Variants in RIMS1 observed in about 807,000 individuals in gnomAD.
RIMS1 encodes the protein regulating synaptic membrane exocytosis protein 1.
Under a neutral mutation model 214.1 loss-of-function variants are expected in RIMS1, and 83 were observed. That is an observed-to-expected ratio of 0.39 (90% CI 0.32 to 0.47). The LOEUF (loss-of-function observed/expected upper bound fraction) is 0.47. Ranked by LOEUF, RIMS1 falls within the 20% of genes least tolerant of loss-of-function variation. The pLI is 0.99. For missense variants in RIMS1, 2,050 were observed against 2,161.8 expected (o/e 0.95, Z 1.03); for synonymous variants, 793 against 786.8 (o/e 1.01, Z -0.13).
intron 29 of RIMS1, among the ~76,000 whole-genome samples, chr6:72,371,169 G>A (rs2098206842): frequency 6.6e-6 from 1 of 152,126 alleles, no homozygotes; most frequent in East Asian, 1.9e-4. Context: ...TATGTGTGCT[G>A]TGTGTGCACA....
At chr6:72,254,703 C>T (rs1399319030) in intron 16 of RIMS1, among the ~76,000 whole-genome samples, 2 of 152,128 alleles carry the variant, frequency 1.3e-5, no homozygotes, top group African/African-American at 2.4e-5. Context: ...GTTTCTTCCT[C>T]TTTCTCTGAG....
chr6:72,155,125 C>A (rs751841992), intron 4 of RIMS1, among the ~76,000 whole-genome samples: 1 of 140,446 alleles, frequency 7.1e-6, no homozygotes, highest in African/African-American at 2.5e-5. Flanking sequence ...GCCAGGAAAC[C>A]ATTTTCTCCT....
rs376835803 is a variant in RIMS1 at position 72,390,591 on chromosome 6, C to G, written c.4367-7C>G. 3 of 1,609,906 alleles carry G rather than the reference C, an allele frequency of 1.9e-6. No homozygotes were observed. The South Asian group carries it at 3.3e-5, about 18-fold the overall frequency. On this transcript the variant is annotated splice_region_variant and splice_polypyrimidine_tract_variant and intron_variant, in intron 29 of 33. Coordinates refer to ENST00000521978, the MANE Select transcript of RIMS1 (RefSeq NM_014989.7). ...AACTTAGAGTTTCTTTTACTCTCTC[C>G]TGTCAGAGTCGGGCCACAAAAAGTT...
At chr6:71,951,868 T>C (rs1789686908) in intron 1 of RIMS1, among the ~76,000 whole-genome samples, 3 of 152,082 alleles carry the variant, frequency 2.0e-5, no homozygotes, top group Non-Finnish European at 4.4e-5. Flanking sequence ...TCAAGTCTTT[T>C]GACTCCTTGC....
intron 2 of RIMS1, among the ~76,000 whole-genome samples, chr6:72,020,214 T>A (rs1318813498): frequency 6.6e-6 from 1 of 152,198 alleles, no homozygotes; most frequent in Non-Finnish European, 1.5e-5. Context: ...CTACTAATAC[T>A]ATAATGATAA....
chr6:72,140,331 C>T (rs1357454892), intron 4 of RIMS1, among the ~76,000 whole-genome samples: 2 of 152,046 alleles, frequency 1.3e-5, no homozygotes, highest in East Asian at 3.8e-4. Flanking sequence ...AATTAAAAAT[C>T]AGAAATTATA....
At chr6:72,064,138 C>T (rs1018941746) in intron 2 of RIMS1, among the ~76,000 whole-genome samples, 6 of 151,958 alleles carry the variant, frequency 3.9e-5, no homozygotes, top group South Asian at 2.1e-4. Context: ...GCCAACATGG[C>T]GAAACTCCGT....
At chr6:72,208,633 C>T (rs1306357438) in intron 6 of RIMS1, among the ~76,000 whole-genome samples, 3 of 152,228 alleles carry the variant, frequency 2.0e-5, no homozygotes, top group South Asian at 2.1e-4. Flanking sequence ...ATGAAAAGCA[C>T]TCAAAAGGTC....
intron 23 of RIMS1, among the ~76,000 whole-genome samples, chr6:72,279,108 C>G (rs1185766996): frequency 6.6e-6 from 1 of 151,588 alleles, no homozygotes. Flanking sequence ...GTATTTTATC[C>G]TTTAATAAAA....
chr6:72,339,557 A>C (rs143969727), intron 29 of RIMS1, among the ~76,000 whole-genome samples: 3,496 of 151,802 alleles, frequency 0.023, 123 homozygotes, highest in African/African-American at 0.081. Flanking sequence ...TCCTTGCAAT[A>C]GTTTGCTGAG....
In RIMS1 at chr6:72,401,860, T is replaced by C. The variant is rs185191216; in HGVS notation, c.*1146T>C. On this transcript the variant is annotated 3_prime_UTR_variant, in exon 34 of 34. Coordinates refer to ENST00000521978, the MANE Select transcript of RIMS1 (RefSeq NM_014989.7). ...ATTCTGCACTAAACTATTGTTTTTA[T>C]TGAATTTTAGTTTACATTTCTTTGA... 16 of 152,804 alleles carry C rather than the reference T, an allele frequency of 1.0e-4. No individual in the cohort carries two copies. The highest frequency in any genetic ancestry group is 2.6e-4 in the Admixed American group (4 of 15,304). The allele number at this position is 152,804 out of a possible 1,614,324, so 9.5% of individuals were successfully genotyped here.
intron 29 of RIMS1, among the ~76,000 whole-genome samples, chr6:72,383,330 T>C (rs375119099): frequency 6.6e-6 from 1 of 152,146 alleles, no homozygotes; most frequent in African/African-American, 2.4e-5. Context: ...CACACTTACA[T>C]ATACAGTATT....
At chr6:72,351,328 A>G (rs1187335959) in intron 29 of RIMS1, among the ~76,000 whole-genome samples, 1 of 152,192 alleles carries the variant, frequency 6.6e-6, no homozygotes. Context: ...ATTTTCACTC[A>G]TCACTGACAG....
At chr6:71,931,828 A>G (rs73545367) in intron 1 of RIMS1, among the ~76,000 whole-genome samples, 2,945 of 152,050 alleles carry the variant, frequency 0.019, 100 homozygotes, top group African/African-American at 0.067. Context: ...GCCTGTGCCT[A>G]TGTCCCGGAA....
chr6:72,269,594 C>G (rs576804808), intron 22 of RIMS1, among the ~76,000 whole-genome samples: 1 of 152,176 alleles, frequency 6.6e-6, no homozygotes, highest in Admixed American at 6.5e-5. Context: ...ATTTTTCTCT[C>G]ATTTTATGGT....
intron 1 of RIMS1, among the ~76,000 whole-genome samples, chr6:71,892,327 TGTGA>T (rs1770162780): frequency 1.3e-5 from 2 of 152,210 alleles, no homozygotes; most frequent in Admixed American, 1.3e-4. Context: ...AATTCTAGCC[TGTGA>T]GTATTTATTA....
At chr6:72,383,608 TAAAAAAAAAA>T (rs1170633297) in intron 29 of RIMS1, among the ~76,000 whole-genome samples, 1 of 85,938 alleles carries the variant, frequency 1.2e-5, no homozygotes, top group South Asian at 4.3e-4. Flanking sequence ...ACCCCATCTC[TAAAAAAAAAA>T]AAAAAAAAAA....
chr6:72,076,674 C>T lies in RIMS1; in HGVS notation c.246-20275C>T, dbSNP rs566760712. Among the ~76,000 whole-genome samples, 14 of 152,186 alleles carry T rather than the reference C, an allele frequency of 9.2e-5. No individual in the cohort carries two copies. In the South Asian group the frequency reaches 1.7e-3, roughly 18 times the overall value. On this transcript the variant is annotated intron_variant, in intron 2 of 33. Transcript: ENST00000521978. ...CTAGTAAGTGGTTAAAAATAAAGTG[C>T]GCTCCAGAGACTTCCAGGGATGATG...
Position 72,274,371 on chromosome 6 carries a change from G to A in RIMS1, c.3421G>A (p.Asp1141Asn), listed in dbSNP as rs753621011. 1 of 1,612,584 alleles carries A rather than the reference G, an allele frequency of 6.2e-7. No homozygotes were observed. The highest frequency in any genetic ancestry group is 1.3e-5 in the African/African-American group (1 of 75,000). Residue 1141 changes from aspartate (D) to asparagine (N), a missense_variant, in exon 23 of 34, where the codon GAT becomes AAT. Asp to Asn is a conservative substitution (Grantham distance 23). Coordinates refer to ENST00000521978, the MANE Select transcript of RIMS1 (RefSeq NM_014989.7). ...RERGRWSPSL[D>N]RRRPPSPRIQ... ...CAGGGGTAGATGGTCCCCCTCCCTAGATAGGAGACGACCTCCTAGTCCCAG... is the reference window on the plus strand; with the variant it reads ...CAGGGGTAGATGGTCCCCCTCCCTAAATAGGAGACGACCTCCTAGTCCCAG...
Sources: gnomAD v4.1 joint callset for allele counts (sites outside exome capture counted in the v4.1 genomes callset) on GRCh38, gnomAD v4.1.1 for gene constraint, MANE v1.5 for transcripts, NCBI Gene and HGNC (gene_info 2026-07-23, HGNC 2026-07-21) for gene names.